The following CPNE5 variants were observed in gnomAD, a reference collection of about 807,000 sequenced individuals.
The protein encoded by CPNE5 is copine-5.
In CPNE5, 42 loss-of-function variants were observed where a neutral mutation model predicts 81.1. The observed-to-expected ratio is 0.52, with a 90% CI of 0.40 to 0.67. The LOEUF (loss-of-function observed/expected upper bound fraction) is 0.67. Among genes scored for constraint, CPNE5 ranks in the 30% least tolerant of loss-of-function variants. The pLI, the probability that CPNE5 is intolerant of heterozygous loss-of-function variation, is 0.00. For missense variants in CPNE5, 612 were observed against 815.5 expected (o/e 0.75, Z 3.04); for synonymous variants, 313 against 321.5 (o/e 0.97, Z 0.28).
intron 3 of CPNE5, among the ~76,000 whole-genome samples, chr6:36,815,217 T>C (rs1399885323): frequency 5.3e-5 from 8 of 151,616 alleles, no homozygotes; most frequent in African/African-American, 1.9e-4. Context: ...TGCTGTCATG[T>C]GTTTGCCATT....
In CPNE5 at chr6:36,741,582, G is replaced by A. The variant is rs984904678; in HGVS notation, c.*686C>T. The A allele has an allele frequency of 2.0e-5, 3 of 152,358 alleles. No homozygotes were observed. Among genetic ancestry groups the A allele is most frequent in the Non-Finnish European group, 4.4e-5 (3 of 68,066 alleles). 9.4% of individuals were successfully genotyped at this position (152,358 alleles called of 1,614,324 possible). Reference sequence around the variant, plus strand: ...TACCTGTGGGCCCACACCAGGGAGAGGCCTCCACAGGCCATCTGTGTGTCT... The same window carrying A: ...TACCTGTGGGCCCACACCAGGGAGAAGCCTCCACAGGCCATCTGTGTGTCT... On this transcript the variant is annotated 3_prime_UTR_variant, in exon 21 of 21. Coordinates refer to ENST00000244751, the MANE Select transcript of CPNE5 (RefSeq NM_020939.2).
At chr6:36,769,887 G>A (rs1483321173) in intron 10 of CPNE5, among the ~76,000 whole-genome samples, 2 of 152,164 alleles carry the variant, frequency 1.3e-5, no homozygotes, top group Non-Finnish European at 2.9e-5. Flanking sequence ...AGGGTGCCAG[G>A]CAGAAGTGGG....
At position 36,791,908 on chromosome 6, in the gene CPNE5, G is replaced by A. The variant is rs896122782; in HGVS notation, c.528+125C>T. The stretch of plus-strand genomic sequence containing the variant: ...TAGCTCTGATGTTGCAAAATTCTAT[G>A]ACAGCCAGGTCAGCATCAGGAGCCC... On this transcript the variant is annotated intron_variant, in intron 8 of 20. Transcript: ENST00000244751. The A allele has an allele frequency of 3.0e-5, 25 of 827,988 alleles. 2 individuals are homozygous for A. In the South Asian group the frequency reaches 3.1e-4, roughly 10 times the overall value. The allele number at this position is 827,988 out of a possible 1,614,324, so 51.3% of individuals were successfully genotyped here.
At chr6:36,833,699 G>T in intron 1 of CPNE5, among the ~76,000 whole-genome samples, 1 of 152,206 alleles carries the variant, frequency 6.6e-6, no homozygotes, top group South Asian at 2.1e-4. Context: ...ACCCACCGGT[G>T]AGCTTGGAGG....
chr6:36,792,568 G>A (rs1769197312), intron 7 of CPNE5: 2 of 463,942 alleles, frequency 4.3e-6, no homozygotes, highest in Non-Finnish European at 8.4e-6. Context: ...AGGCAGGAGG[G>A]CTGGTGGGCC....
intron 3 of CPNE5, among the ~76,000 whole-genome samples, chr6:36,809,741 G>A (rs527257321): frequency 1.3e-5 from 2 of 151,870 alleles, no homozygotes; most frequent in African/African-American, 4.8e-5. Flanking sequence ...TTCTGACCAC[G>A]GTCACACAGC....
At chr6:36,824,565 C>G (rs959551425) in intron 1 of CPNE5, among the ~76,000 whole-genome samples, 1 of 152,246 alleles carries the variant, frequency 6.6e-6, no homozygotes. Context: ...CACAACCCCC[C>G]ACAGGGGCCT....
intron 8 of CPNE5, among the ~76,000 whole-genome samples, chr6:36,791,626 G>A (rs904937533): frequency 4.6e-5 from 7 of 152,104 alleles, no homozygotes; most frequent in Non-Finnish European, 5.9e-5. Flanking sequence ...CTCCAGAGCT[G>A]AAAGTGAAAA....
chr6:36,798,268 C>G (rs775465936), intron 5 of CPNE5, 27 bp from the exon 6 acceptor site: 11 of 1,601,048 alleles, frequency 6.9e-6, no homozygotes, highest in Non-Finnish European at 9.4e-6. Context: ...CAGAAGAGAC[C>G]AGTGTCACCC....
At chr6:36,742,531 C>G in intron 20 of CPNE5, 45 bp from the exon 21 acceptor site, 3 of 1,582,598 alleles carry the variant, frequency 1.9e-6, no homozygotes, top group Non-Finnish European at 2.6e-6. Flanking sequence ...CCTGTGGGAC[C>G]CTGGCCCCCA....
intron 3 of CPNE5, among the ~76,000 whole-genome samples, chr6:36,819,578 T>A (rs1378605660): frequency 6.6e-6 from 1 of 152,228 alleles, no homozygotes; most frequent in Non-Finnish European, 1.5e-5. Context: ...TAATAAAGCC[T>A]GGGTTACTGA....
At chr6:36,817,157 C>A (rs1174684895) in intron 3 of CPNE5, among the ~76,000 whole-genome samples, 1 of 152,156 alleles carries the variant, frequency 6.6e-6, no homozygotes, top group Non-Finnish European at 1.5e-5. Flanking sequence ...GAAACCCTGT[C>A]TCTACTAAAA....
At chr6:36,773,614 G>A (rs572225623) in intron 10 of CPNE5, among the ~76,000 whole-genome samples, 2 of 152,250 alleles carry the variant, frequency 1.3e-5, no homozygotes, top group South Asian at 2.1e-4. Context: ...ACAGAGCCTC[G>A]TTGTGTAGGT....
intron 10 of CPNE5, among the ~76,000 whole-genome samples, chr6:36,768,225 C>CTTTTTTTCTTTCTTTTTT (rs527797208): frequency 3.3e-5 from 2 of 60,498 alleles, no homozygotes; most frequent in Non-Finnish European, 6.1e-5. Context: ...ATTCACAGTT[C>CTTTTTTTCTTTCTTTTTT]TTTTTTTTTT....
intron 12 of CPNE5, 31 bp downstream of exon 12, chr6:36,762,886 G>A (rs763775825): frequency 6.3e-7 from 1 of 1,593,234 alleles, no homozygotes; most frequent in South Asian, 1.1e-5. Context: ...ACTTAGTAGT[G>A]CAAACCCTGG....
chr6:36,814,830 T>C (rs1478385456), intron 3 of CPNE5, among the ~76,000 whole-genome samples: 2 of 151,952 alleles, frequency 1.3e-5, no homozygotes, highest in Non-Finnish European at 2.9e-5. Context: ...CTTCATAGGA[T>C]TGTTGTGAGG....
intron 8 of CPNE5, 146 bp from the exon 9 acceptor site, chr6:36,779,103 GC>G (rs991031476): frequency 7.0e-6 from 4 of 571,486 alleles, no homozygotes; most frequent in Middle Eastern, 5.0e-4. Context: ...TCCTCAGACG[GC>G]CCCCCAGCAG....
In CPNE5 at chr6:36,827,641, G is replaced by A. The variant is rs1188455136; in HGVS notation, c.96-4543C>T. On this transcript the variant is annotated intron_variant, in intron 1 of 20. Transcript: ENST00000244751. ...ACCAGAAGTTTCTTCGAGGTAAAGC[G>A]CCTTCCCCACTGATCCTCACCATGA... is the stretch of plus-strand genomic sequence containing the variant. The A allele has an allele frequency of 5.1e-6, 5 of 985,208 alleles. No individual in the cohort carries two copies. In the African/African-American group the frequency reaches 5.2e-5, roughly 10 times the overall value. 61.0% of individuals were successfully genotyped at this position (985,208 alleles called of 1,614,324 possible).
At chr6:36,795,220 C>T (rs112247318) in intron 6 of CPNE5, among the ~76,000 whole-genome samples, 5 of 152,174 alleles carry the variant, frequency 3.3e-5, no homozygotes, top group African/African-American at 9.6e-5. Flanking sequence ...GCTCTGTCAC[C>T]CAGGCTGGAG....
Sources: gnomAD v4.1 joint callset for allele counts (sites outside exome capture counted in the v4.1 genomes callset) on GRCh38, gnomAD v4.1.1 for gene constraint, MANE v1.5 for transcripts, NCBI Gene and HGNC (gene_info 2026-07-23, HGNC 2026-07-21) for gene names.